GRM8: variants seen among roughly 807,000 people sequenced by gnomAD.
GRM8 encodes metabotropic glutamate receptor 8.
A neutral mutation model predicts 87.2 loss-of-function variants in GRM8; 47 were observed. The observed-to-expected ratio is 0.54, with a 90% CI of 0.43 to 0.69. GRM8 has a LOEUF of 0.69. Ranked by LOEUF, GRM8 falls within the 30% of genes least tolerant of loss-of-function variation. The pLI is 0.00. For synonymous variants in GRM8, 396 were observed against 404.5 expected, an observed-to-expected ratio of 0.98 and a Z score of 0.25; for missense variants, 1,019 against 1,139.2, an observed-to-expected ratio of 0.89 and a Z score of 1.52.
intron 3 of GRM8, among the ~76,000 whole-genome samples, chr7:127,105,128 T>C (rs1563512791): frequency 6.6e-6 from 1 of 152,222 alleles, no homozygotes; most frequent in Non-Finnish European, 1.5e-5. Flanking sequence ...GAAGCTATTG[T>C]TTTCATTTGA....
intron 7 of GRM8, among the ~76,000 whole-genome samples, chr7:126,744,289 T>G (rs1373276010): frequency 1.3e-5 from 2 of 152,008 alleles, no homozygotes; most frequent in African/African-American, 4.8e-5. Flanking sequence ...TATTAAGACT[T>G]GGGTGTTTGG....
chr7:126,618,249 C>T (rs1799736993), intron 7 of GRM8, among the ~76,000 whole-genome samples: 1 of 152,134 alleles, frequency 6.6e-6, no homozygotes, highest in Non-Finnish European at 1.5e-5. Context: ...TGATCTTTGA[C>T]AAACCTGACA....
chr7:126,660,716 A>T (rs1258231676), intron 7 of GRM8, among the ~76,000 whole-genome samples: 2 of 152,208 alleles, frequency 1.3e-5, no homozygotes, highest in Non-Finnish European at 2.9e-5. Context: ...TTTTCTCAGA[A>T]AATACCCCTG....
chr7:126,488,598 A>C (rs1210362224), intron 9 of GRM8, among the ~76,000 whole-genome samples: 3 of 151,940 alleles, frequency 2.0e-5, no homozygotes, highest in Non-Finnish European at 2.9e-5. Context: ...AATATTTACA[A>C]TATATAAATC....
At chr7:127,166,377 T>G (rs913080077) in intron 2 of GRM8, among the ~76,000 whole-genome samples, 1 of 152,150 alleles carries the variant, frequency 6.6e-6, no homozygotes, top group Non-Finnish European at 1.5e-5. Flanking sequence ...GGAATTCACT[T>G]AAGCCACATA....
chr7:126,847,712 G>A (rs1039828530), intron 6 of GRM8, among the ~76,000 whole-genome samples: 7 of 152,160 alleles, frequency 4.6e-5, no homozygotes, highest in Admixed American at 2.0e-4. Context: ...AAGCCATACT[G>A]CTTTTATGAC....
At chr7:126,680,795 T>C (rs1047006706) in intron 7 of GRM8, among the ~76,000 whole-genome samples, 11 of 152,248 alleles carry the variant, frequency 7.2e-5, no homozygotes, top group African/African-American at 2.2e-4. Flanking sequence ...CCAGCTTTTA[T>C]TGGTATCCAG....
chr7:126,820,632 C>G (rs1794210576), intron 6 of GRM8, among the ~76,000 whole-genome samples: 1 of 152,206 alleles, frequency 6.6e-6, no homozygotes, highest in African/African-American at 2.4e-5. Context: ...TAGGTGTGGT[C>G]TTGCCACCTC....
chr7:126,973,523 CAATG>C (rs372648697), intron 3 of GRM8, among the ~76,000 whole-genome samples: 30 of 152,172 alleles, frequency 2.0e-4, no homozygotes, highest in African/African-American at 5.3e-4. Context: ...AGAGAGAAAC[CAATG>C]AATGTCAGTG....
At chr7:126,672,287 A>T (rs955868850) in intron 7 of GRM8, among the ~76,000 whole-genome samples, 1 of 152,146 alleles carries the variant, frequency 6.6e-6, no homozygotes, top group Non-Finnish European at 1.5e-5. Context: ...GACCCTGGGG[A>T]TGCAAGGACA....
At chr7:126,444,580 C>G (rs771994693) in intron 10 of GRM8, among the ~76,000 whole-genome samples, 1 of 151,974 alleles carries the variant, frequency 6.6e-6, no homozygotes, top group Non-Finnish European at 1.5e-5. Context: ...CTGATAGTAA[C>G]TGAAACCAAT....
At chr7:127,089,712 C>T (rs1275099183) in intron 3 of GRM8, among the ~76,000 whole-genome samples, 1 of 152,192 alleles carries the variant, frequency 6.6e-6, no homozygotes, top group East Asian at 1.9e-4. Context: ...GACAGTAAAA[C>T]AAATGCTTTC....
chr7:126,475,412 G>A (rs1805782961), intron 9 of GRM8, among the ~76,000 whole-genome samples: 1 of 151,840 alleles, frequency 6.6e-6, no homozygotes, highest in African/African-American at 2.4e-5. Context: ...AGTTTAAGGA[G>A]GTGGAAGATC....
In GRM8 at chr7:126,643,304, AAAAAAAAAAAAAAAAATATATATATAT is replaced by A. The variant is rs1284316627; in HGVS notation, c.1358-33833_1358-33807del. On this transcript the variant is annotated intron_variant, in intron 7 of 10. Coordinates refer to ENST00000339582, the MANE Select transcript of GRM8 (RefSeq NM_000845.3). ...AGAACTTGTCTCAAAAAAAAAAAAA[AAAAAAAAAAAAAAAAATATATATATAT>A]ATATATATATATATATATATATATA... Among the ~76,000 whole-genome samples the A allele has an allele frequency of 2.0e-3, 158 of 79,270 alleles. 4 individuals carry two copies. The highest frequency in any genetic ancestry group is 3.0e-3 in the Non-Finnish European group (139 of 46,184). The allele number at this position is 79,270 out of a possible 152,430, so 52.0% of individuals were successfully genotyped here. A position where few individuals can be genotyped will look rare whatever the true frequency, so the allele number is the denominator to read the frequency against.
intron 7 of GRM8, among the ~76,000 whole-genome samples, chr7:126,671,372 G>A (rs1806371197): frequency 6.6e-6 from 1 of 152,182 alleles, no homozygotes; most frequent in Admixed American, 6.5e-5. Flanking sequence ...TGTAGAAATA[G>A]TTATTCTTGC....
At chr7:126,996,290 G>A (rs181493754) in intron 3 of GRM8, among the ~76,000 whole-genome samples, 14 of 152,040 alleles carry the variant, frequency 9.2e-5, no homozygotes, top group Admixed American at 2.6e-4. Flanking sequence ...AAAGCAGACC[G>A]AAAAACACAG....
chr7:127,001,081 G>T (rs1813686021), intron 3 of GRM8, among the ~76,000 whole-genome samples: 1 of 151,572 alleles, frequency 6.6e-6, no homozygotes, highest in African/African-American at 2.4e-5. Flanking sequence ...TAGATGTATT[G>T]ATCAATAGAT....
At chr7:126,439,730 T>G (rs1347085450) in intron 10 of GRM8, among the ~76,000 whole-genome samples, 1 of 152,050 alleles carries the variant, frequency 6.6e-6, no homozygotes, top group East Asian at 1.9e-4. Flanking sequence ...AGATGACAGC[T>G]CCATGTGTGT....
chr7:126,911,425 G>T (rs1044924108), intron 3 of GRM8, among the ~76,000 whole-genome samples: 3 of 151,756 alleles, frequency 2.0e-5, no homozygotes, highest in Non-Finnish European at 4.4e-5. Context: ...GTTGAAATTA[G>T]AATTTAACTC....
Sources: gnomAD v4.1 joint callset for allele counts (sites outside exome capture counted in the v4.1 genomes callset) on GRCh38, gnomAD v4.1.1 for gene constraint, MANE v1.5 for transcripts, NCBI Gene and HGNC (gene_info 2026-07-23, HGNC 2026-07-21) for gene names.